Variants in PXDN observed in about 807,000 individuals in gnomAD.
PXDN encodes peroxidasin.
In PXDN, 77 loss-of-function variants were observed where a neutral mutation model predicts 140.3. The ratio of observed to expected loss-of-function variants is 0.55; its 90% CI spans 0.46 to 0.66. The LOEUF is 0.66. Ranked by LOEUF, PXDN falls within the 30% of genes least tolerant of loss-of-function variation. PXDN has a pLI of 0.00. For synonymous variants in PXDN, 911 were observed against 857.4 expected, an observed-to-expected ratio of 1.06 and a Z score of -1.09; for missense variants, 1,838 against 2,039.5, an observed-to-expected ratio of 0.90 and a Z score of 1.90.
At chr2:1,680,616 G>C (rs561587000) in intron 6 of PXDN, among the ~76,000 whole-genome samples, 1 of 152,214 alleles carries the variant, frequency 6.6e-6, no homozygotes, top group East Asian at 1.9e-4. Flanking sequence ...CCGTAGAGGC[G>C]TGAGTAGCAT....
chr2:1,683,778 A>G lies in PXDN; in HGVS notation c.489-51T>C, dbSNP rs993588185. 5 of 1,415,994 alleles carry G rather than the reference A, an allele frequency of 3.5e-6. No individual in the cohort carries two copies. In the African/African-American group the frequency reaches 5.7e-5, roughly 16 times the overall value. The allele number at this position is 1,415,994 out of a possible 1,614,324, so 87.7% of individuals were successfully genotyped here. ...CCAATTTTGAAAAATATTTCTTAAA[A>G]TGTGTAGAAAAGAATATAAGCAGTC... On this transcript the variant is annotated intron_variant, in intron 5 of 22. Transcript: ENST00000252804.
At chr2:1,644,560 T>C in intron 18 of PXDN, 58 bp downstream of exon 18, 2 of 1,498,882 alleles carry the variant, frequency 1.3e-6, no homozygotes, top group Non-Finnish European at 1.8e-6. Context: ...TCTTCTCCTC[T>C]GGAGTCCCTA....
chr2:1,744,273 C>T lies in PXDN; in HGVS notation c.183G>A (p.Ala61=). 1 of 1,518,414 alleles carries T rather than the reference C, an allele frequency of 6.6e-7. No homozygotes were observed. The highest frequency in any genetic ancestry group is 8.8e-7 in the Non-Finnish European group (1 of 1,139,178). The allele number at this position is 1,518,414 out of a possible 1,614,324, so 94.1% of individuals were successfully genotyped here. The change falls in exon 1 of 23, where the codon GCG becomes GCA. Residue 61 remains alanine, a synonymous_variant. Coordinates refer to ENST00000252804, the MANE Select transcript of PXDN (RefSeq NM_012293.3). ...HLLLEAVPAV[A]PQTSILDLRF... ...GCACTCACAGGATGGAGGTCTGCGGCGCCACGGCGGGCACGGCCTCCAGCA... is the reference window on the plus strand; with the variant it reads ...GCACTCACAGGATGGAGGTCTGCGGTGCCACGGCGGGCACGGCCTCCAGCA...
intron 1 of PXDN, among the ~76,000 whole-genome samples, chr2:1,734,297 C>T (rs1007401100): frequency 7.9e-5 from 12 of 152,202 alleles, no homozygotes; most frequent in Non-Finnish European, 4.4e-5. Flanking sequence ...AATATACATA[C>T]TTTAAAAAAT....
chr2:1,728,023 C>T (rs148093170), intron 1 of PXDN, among the ~76,000 whole-genome samples: 157 of 152,306 alleles, frequency 1.0e-3, no homozygotes, highest in African/African-American at 3.7e-3. Context: ...GCAGCCTTAA[C>T]CTCCGAGGCT....
Position 1,673,800 on chromosome 2 carries a change from G to A in PXDN, c.861C>T (p.Ser287=). Reference sequence around the variant, plus strand: ...AGTTTAGGCGGGAATCTGTCTTCATGCTCAGCTCATTACTACAAAGACAGA... The same window carrying A: ...AGTTTAGGCGGGAATCTGTCTTCATACTCAGCTCATTACTACAAAGACAGA... ...IIWLRNNNEL[S]MKTDSRLNLL... Residue 287 remains serine (S), a synonymous_variant, in exon 9 of 23, where the codon AGC becomes AGT. Coordinates refer to ENST00000252804, the MANE Select transcript of PXDN (RefSeq NM_012293.3). 1 of 1,613,968 alleles carries A rather than the reference G, an allele frequency of 6.2e-7. No individual in the cohort carries two copies. The highest frequency in any genetic ancestry group is 1.1e-5 in the South Asian group (1 of 91,084).
At chr2:1,684,217 C>T (rs910225139) in intron 4 of PXDN, 66 bp from the exon 5 acceptor site, 1 of 1,408,358 alleles carries the variant, frequency 7.1e-7, no homozygotes, top group Non-Finnish European at 9.8e-7. Context: ...GATTTTTGCC[C>T]AAATTTTTTT....
At chr2:1,700,104 C>A (rs1328166364) in intron 1 of PXDN, among the ~76,000 whole-genome samples, 2 of 152,166 alleles carry the variant, frequency 1.3e-5, no homozygotes, top group African/African-American at 4.8e-5. Flanking sequence ...CTCTATCACC[C>A]AGGCTGGAGT....
intron 14 of PXDN, among the ~76,000 whole-genome samples, chr2:1,655,225 A>G (rs1196684785): frequency 6.6e-6 from 1 of 151,508 alleles, no homozygotes; most frequent in African/African-American, 2.4e-5. Context: ...CATACCACAC[A>G]CAATCACATT....
At position 1,649,050 on chromosome 2, in the gene PXDN, T is replaced by G. The variant is rs1863135; in HGVS notation, c.2730A>C (p.Ile910=). The G allele has an allele frequency of 0.9, 1,451,451 of 1,612,596 alleles. 653,976 individuals carry two copies. Among genetic ancestry groups the G allele is most frequent in the East Asian group, 1 (44,777 of 44,806 alleles). The change falls in exon 17 of 23, where the codon ATA becomes ATC. Residue 910 remains isoleucine, a synonymous_variant. Coordinates refer to ENST00000252804, the MANE Select transcript of PXDN (RefSeq NM_012293.3). The surrounding 1 kb of genome is among the most constrained non-coding windows in gnomAD (Gnocchi z 7.1). ...TGCTCCCGTACACGTTGGATGCGTC[T>G]ATGTAGGAGGTGAGCTGGTTGATCT... is the stretch of plus-strand genomic sequence containing the variant. The part of the protein sequence containing the change: ...REQINQLTSY[I]DASNVYGSTE...
intron 3 of PXDN, among the ~76,000 whole-genome samples, chr2:1,691,294 G>A (rs1195143256): frequency 6.6e-6 from 1 of 152,216 alleles, no homozygotes; most frequent in Non-Finnish European, 1.5e-5. Flanking sequence ...AAGTATGTGT[G>A]TGACTGAGAC....
chr2:1,702,184 G>A (rs541172083), intron 1 of PXDN, among the ~76,000 whole-genome samples: 3 of 152,174 alleles, frequency 2.0e-5, no homozygotes, highest in Non-Finnish European at 4.4e-5. Flanking sequence ...CTGGAGTATC[G>A]CAAATACCTG....
chr2:1,744,459 C>G lies in PXDN; in HGVS notation c.-4G>C, dbSNP rs1685643970. Reference sequence around the variant, plus strand: ...GGCCCCTGGAGCGCTTGGCCATGGCCGACGGCGCGGACGGACGCTCGGACG... The same window carrying G: ...GGCCCCTGGAGCGCTTGGCCATGGCGGACGGCGCGGACGGACGCTCGGACG... On this transcript the variant is annotated 5_prime_UTR_variant, in exon 1 of 23. Transcript: ENST00000252804. The G allele has an allele frequency of 6.9e-7, 1 of 1,457,812 alleles. No homozygotes were observed. Among genetic ancestry groups the G allele is most frequent in the Non-Finnish European group, 9.0e-7 (1 of 1,112,574 alleles). 90.3% of individuals were successfully genotyped at this position (1,457,812 alleles called of 1,614,324 possible).
rs911739179 is a variant in PXDN, at chr2:1,661,176, G to C, written c.1681-139C>G. ...CCCAGGCTGCGCTCAGATCCATCCA[G>C]GCCTGGAAAGCGAAGGAGATGTGGT... On this transcript the variant is annotated intron_variant, in intron 13 of 22. Transcript: ENST00000252804. The C allele has an allele frequency of 5.0e-6, 5 of 991,950 alleles. No individual in the cohort carries two copies. In the African/African-American group the frequency reaches 8.2e-5, roughly 16 times the overall value. The allele number at this position is 991,950 out of a possible 1,614,324, so 61.4% of individuals were successfully genotyped here. A position where few individuals can be genotyped will look rare whatever the true frequency, so the allele number is the denominator to read the frequency against.
chr2:1,667,672 A>G (rs1304368665), intron 9 of PXDN, among the ~76,000 whole-genome samples: 1 of 152,204 alleles, frequency 6.6e-6, no homozygotes, highest in African/African-American at 2.4e-5. Flanking sequence ...ACAAGCAGAG[A>G]GCCAAATCAT....
intron 10 of PXDN, among the ~76,000 whole-genome samples, chr2:1,665,382 A>G (rs762414879): frequency 1.1e-4 from 17 of 152,236 alleles, no homozygotes; most frequent in Non-Finnish European, 1.9e-4. Flanking sequence ...GCCGACTTAC[A>G]ACGATTCCTC....
intron 17 of PXDN, among the ~76,000 whole-genome samples, chr2:1,646,385 G>A (rs1682851180): frequency 6.6e-6 from 1 of 152,170 alleles, no homozygotes. Context: ...AGAATCATCT[G>A]GGAGAGTAAT....
intron 1 of PXDN, among the ~76,000 whole-genome samples, chr2:1,725,770 A>C (rs1300311346): frequency 2.6e-5 from 4 of 152,158 alleles, no homozygotes; most frequent in African/African-American, 9.7e-5. Context: ...GGGCAAAGGA[A>C]ATGAACAGAC....
At chr2:1,689,116 C>A (rs1016728051) in intron 3 of PXDN, among the ~76,000 whole-genome samples, 1 of 152,110 alleles carries the variant, frequency 6.6e-6, no homozygotes, top group East Asian at 1.9e-4. Context: ...AGGCCGCATA[C>A]GTGGGAATCC....
Sources: allele counts gnomAD v4.1 joint callset (sites outside exome capture counted in the v4.1 genomes callset), GRCh38; gene constraint gnomAD v4.1.1; non-coding constraint Gnocchi (gnomAD v3.1); transcripts MANE v1.5; gene names NCBI Gene and HGNC (gene_info 2026-07-23, HGNC 2026-07-21).